Variants in GNA13 observed in about 807,000 individuals in gnomAD.
The protein encoded by GNA13 is guanine nucleotide-binding protein subunit alpha-13.
Under a neutral mutation model 33.5 loss-of-function variants are expected in GNA13, and 4 were observed. That is an observed-to-expected ratio of 0.12 (90% CI 0.06 to 0.27). GNA13 has a LOEUF of 0.27. Among genes scored for constraint, GNA13 ranks in the 10% least tolerant of loss-of-function variants. The probability of loss-of-function intolerance (pLI) is 1.00; values close to 1 mark genes in which losing one functional copy is unlikely to be tolerated. For synonymous variants in GNA13, 176 were observed against 183.8 expected (o/e 0.96, Z 0.34); for missense variants, 319 against 487.2 (o/e 0.65, Z 3.25).
rs557490229 is a variant in GNA13 at position 65,023,595 on chromosome 17, ACT to A, written c.511-5294_511-5293del. Among the ~76,000 whole-genome samples, 7 of 152,294 alleles carry A rather than the reference ACT, an allele frequency of 4.6e-5. No homozygotes were observed. The South Asian group carries it at 1.2e-3, about 27-fold the overall frequency. On this transcript the variant is annotated intron_variant, in intron 2 of 3. Coordinates refer to ENST00000439174, the MANE Select transcript of GNA13 (RefSeq NM_006572.6). ...AAACGGCACTGTTGGTGAAACTTACACTCTGGTAAAGTCATTTCGACAGCTAG... is the reference window on the plus strand; with the variant it reads ...AAACGGCACTGTTGGTGAAACTTACACTGGTAAAGTCATTTCGACAGCTAG...
intron 2 of GNA13, among the ~76,000 whole-genome samples, chr17:65,028,823 C>T (rs1906897978): frequency 6.6e-6 from 1 of 152,122 alleles, no homozygotes; most frequent in Admixed American, 6.6e-5. Context: ...CCTCCACTTC[C>T]CCCACCTACA....
At chr17:65,039,975 TTC>T in intron 2 of GNA13, among the ~76,000 whole-genome samples, 1 of 152,334 alleles carries the variant, frequency 6.6e-6, no homozygotes, top group South Asian at 2.1e-4. Context: ...ACTTTTTGCA[TTC>T]GCTAGTTACT....
chr17:65,055,961 G>A (rs913413451), intron 1 of GNA13, among the ~76,000 whole-genome samples: 1 of 152,168 alleles, frequency 6.6e-6, no homozygotes, highest in Non-Finnish European at 1.5e-5. Flanking sequence ...CCGCAGCGGG[G>A]AGGACAGGAG....
chr17:65,032,853 G>A (rs1367649509), intron 2 of GNA13, among the ~76,000 whole-genome samples: 1 of 152,068 alleles, frequency 6.6e-6, no homozygotes, highest in Non-Finnish European at 1.5e-5. Flanking sequence ...GCTCATGTCT[G>A]TAATCCCAGC....
In GNA13 at chr17:65,014,965, T is replaced by A. The variant is rs533757974; in HGVS notation, c.562-136A>T. 8 of 624,224 alleles carry A rather than the reference T, an allele frequency of 1.3e-5. No individual in the cohort carries two copies. The South Asian group carries it at 1.6e-4, about 13-fold the overall frequency. The allele number at this position is 624,224 out of a possible 1,614,324, so 38.7% of individuals were successfully genotyped here. On this transcript the variant is annotated intron_variant, in intron 3 of 3. Coordinates refer to ENST00000439174, the MANE Select transcript of GNA13 (RefSeq NM_006572.6). The surrounding 1 kb of genome is among the most constrained non-coding windows in gnomAD (Gnocchi z 5.3). The stretch of plus-strand genomic sequence containing the variant: ...GTGACATTTTCAGATAGATTATGCT[T>A]ATTATAAAATGCCAAGACTGGTCAG...
intron 1 of GNA13, among the ~76,000 whole-genome samples, chr17:65,054,756 G>A (rs3972203): frequency 0.96 from 145,677 of 152,318 alleles, 70,002 homozygotes; most frequent in East Asian, 1. Context: ...CAGGCTCACA[G>A]TCAGTTAACA....
Position 65,011,189 on chromosome 17 carries a change from G to A in GNA13, c.*3068C>T, listed in dbSNP as rs539132351. 3.8e-4 allele frequency: 78 copies of A among 203,024 alleles called. No homozygotes were observed. Among genetic ancestry groups the A allele is most frequent in the Non-Finnish European group, 6.1e-4 (60 of 98,836 alleles). The allele number at this position is 203,024 out of a possible 1,614,324, so 12.6% of individuals were successfully genotyped here. A position where few individuals can be genotyped will look rare whatever the true frequency, so the allele number is the denominator to read the frequency against. Reference sequence around the variant, plus strand: ...TTCTAATCATTTCTGGTATTAAGGCGATCTTATTTCCTTCTACTTTAAACC... The same window carrying A: ...TTCTAATCATTTCTGGTATTAAGGCAATCTTATTTCCTTCTACTTTAAACC... On this transcript the variant is annotated 3_prime_UTR_variant, in exon 4 of 4. Coordinates refer to ENST00000439174, the MANE Select transcript of GNA13 (RefSeq NM_006572.6).
At chr17:65,048,058 G>GA in intron 2 of GNA13, among the ~76,000 whole-genome samples, 1 of 152,122 alleles carries the variant, frequency 6.6e-6, no homozygotes, top group Admixed American at 6.6e-5. Context: ...AAACACTTTG[G>GA]TTTCAGGAAT....
intron 3 of GNA13, 68 bp downstream of exon 3, chr17:65,018,185 C>T (rs1018384632): frequency 5.3e-6 from 3 of 568,686 alleles, no homozygotes; most frequent in African/African-American, 4.3e-5. Flanking sequence ...TCTAAATTTC[C>T]TAACATCGAT....
chr17:65,017,896 A>G (rs1422796700), intron 3 of GNA13, among the ~76,000 whole-genome samples: 2 of 152,006 alleles, frequency 1.3e-5, no homozygotes, highest in Non-Finnish European at 2.9e-5. Flanking sequence ...CTTTCTCTAA[A>G]CAGTTTTACT....
At chr17:65,043,420 G>A (rs1034486728) in intron 2 of GNA13, among the ~76,000 whole-genome samples, 1 of 151,896 alleles carries the variant, frequency 6.6e-6, no homozygotes, top group Admixed American at 6.6e-5. Flanking sequence ...CCGAGTAGCT[G>A]GGACCACAGG....
chr17:65,042,753 T>C (rs1209554930), intron 2 of GNA13, among the ~76,000 whole-genome samples: 1 of 152,022 alleles, frequency 6.6e-6, no homozygotes, highest in African/African-American at 2.4e-5. Context: ...AAAGAACTAA[T>C]GTAACAAGGA....
intron 2 of GNA13, among the ~76,000 whole-genome samples, chr17:65,035,435 T>C (rs989844006): frequency 1.3e-5 from 2 of 152,174 alleles, no homozygotes; most frequent in African/African-American, 4.8e-5. Flanking sequence ...AATATCGTAT[T>C]CAAATACTGG....
At chr17:65,046,568 G>A (rs1907672137) in intron 2 of GNA13, among the ~76,000 whole-genome samples, 1 of 152,180 alleles carries the variant, frequency 6.6e-6, no homozygotes, top group Admixed American at 6.5e-5. Context: ...GAAAGAAACT[G>A]GCACCTGTTT....
chr17:65,021,403 T>C (rs1276224541), intron 2 of GNA13, among the ~76,000 whole-genome samples: 1 of 152,220 alleles, frequency 6.6e-6, no homozygotes, highest in Non-Finnish European at 1.5e-5. Context: ...CCTTTGCTTG[T>C]AAAGACAAAA....
At chr17:65,041,094 T>C (rs1233781112) in intron 2 of GNA13, among the ~76,000 whole-genome samples, 2 of 152,246 alleles carry the variant, frequency 1.3e-5, no homozygotes, top group Non-Finnish European at 2.9e-5. Flanking sequence ...ATTCATCCTA[T>C]TTAGCAGAAA....
chr17:65,027,192 A>AAC (rs1906820074), intron 2 of GNA13, among the ~76,000 whole-genome samples: 1 of 152,184 alleles, frequency 6.6e-6, no homozygotes, highest in African/African-American at 2.4e-5. Flanking sequence ...TTCTGATCTT[A>AAC]ACACTAGCAC....
rs1452996119 is a variant in GNA13 at position 65,014,141 on chromosome 17, T to TA, written c.*115dup. On this transcript the variant is annotated 3_prime_UTR_variant, in exon 4 of 4. Coordinates refer to ENST00000439174, the MANE Select transcript of GNA13 (RefSeq NM_006572.6). This position sits in a 1 kb window ranked among gnomAD's most constrained non-coding sequence, Gnocchi z 5.3. ...AAAAGTACTAAGATTTTCAAGAAGT[T>TA]AAACGTAGAATTAAGATTGTTCTAA... is the stretch of plus-strand genomic sequence containing the variant. 5.0e-5 allele frequency: 33 copies of TA among 659,950 alleles called. No homozygotes were observed. The highest frequency in any genetic ancestry group is 4.7e-4 in the Admixed American group (16 of 33,764). The allele number at this position is 659,950 out of a possible 1,614,324, so 40.9% of individuals were successfully genotyped here.
At chr17:65,038,616 C>T (rs141302345) in intron 2 of GNA13, among the ~76,000 whole-genome samples, 3 of 152,166 alleles carry the variant, frequency 2.0e-5, no homozygotes, top group South Asian at 2.1e-4. Context: ...TGCGGGGGGG[C>T]GTTTCTCACC....
Sources: allele counts gnomAD v4.1 joint callset (sites outside exome capture counted in the v4.1 genomes callset), GRCh38; gene constraint gnomAD v4.1.1; non-coding constraint Gnocchi (gnomAD v3.1); transcripts MANE v1.5; gene names NCBI Gene and HGNC (gene_info 2026-07-23, HGNC 2026-07-21).